CSMD1: variants seen among roughly 807,000 people sequenced by gnomAD.
The protein encoded by CSMD1 is CUB and Sushi multiple domains 1.
CSMD1 carries 213 observed loss-of-function variants against 417.5 expected under a neutral mutation model. The observed-to-expected ratio is 0.51, with a 90% CI of 0.46 to 0.57. The LOEUF is 0.57. CSMD1 is among the 20% of genes least tolerant of loss of function. The probability of loss-of-function intolerance (pLI) is 0.00; values close to 1 mark genes in which losing one functional copy is unlikely to be tolerated. For missense variants in CSMD1, 6,923 were observed against 4,529.7 expected (o/e 1.53, Z -15.17); for synonymous variants, 2,862 against 1,736.8 (o/e 1.65, Z -16.11).
chr8:4,820,881 G>A (rs931911475), intron 1 of CSMD1, among the ~76,000 whole-genome samples: 2 of 152,140 alleles, frequency 1.3e-5, no homozygotes, highest in Non-Finnish European at 2.9e-5. Context: ...TTTATATGGA[G>A]GTGATTTGAG....
At chr8:3,357,332 T>C (rs1808860305) in intron 21 of CSMD1, among the ~76,000 whole-genome samples, 1 of 152,218 alleles carries the variant, frequency 6.6e-6, no homozygotes, top group Non-Finnish European at 1.5e-5. Context: ...GCAAAGTTTG[T>C]AGAGTCTTTT....
intron 50 of CSMD1, among the ~76,000 whole-genome samples, chr8:3,052,024 C>A (rs1286367195): frequency 6.6e-6 from 1 of 152,154 alleles, no homozygotes; most frequent in Non-Finnish European, 1.5e-5. Context: ...GCAGGTGATA[C>A]ACAAATAAAT....
intron 2 of CSMD1, among the ~76,000 whole-genome samples, chr8:4,471,200 AAAAC>A (rs1253816068): frequency 1.3e-5 from 2 of 152,200 alleles, no homozygotes; most frequent in Non-Finnish European, 2.9e-5. Flanking sequence ...TTATTATGGA[AAAAC>A]AATCTTAGAA....
chr8:3,592,906 G>C (rs370639367), intron 8 of CSMD1, among the ~76,000 whole-genome samples: 2 of 152,000 alleles, frequency 1.3e-5, no homozygotes, highest in African/African-American at 4.8e-5. Flanking sequence ...AAGAAATAAA[G>C]TCAAAGCCCA....
intron 18 of CSMD1, chr8:3,373,566 T>G (rs1406881587): frequency 6.6e-6 from 1 of 152,176 alleles, no homozygotes; most frequent in African/African-American, 2.4e-5. Context: ...GATGAGAGAA[T>G]GAAATGAAAT....
chr8:4,439,440 T>C (rs369098986), intron 2 of CSMD1, among the ~76,000 whole-genome samples: 1 of 152,186 alleles, frequency 6.6e-6, no homozygotes, highest in Non-Finnish European at 1.5e-5. Flanking sequence ...ATGATTTTCA[T>C]CTAACTTTTT....
At position 4,179,235 on chromosome 8, in the gene CSMD1, A is replaced by G. The variant is rs532055588; in HGVS notation, c.416-147136T>C. On this transcript the variant is annotated intron_variant, in intron 3 of 69. Transcript: ENST00000635120. ...GTACTGGTACCAAAACAGAGATATA[A>G]ATCAATGGAACAGAACAGAGCCCTC... Among the ~76,000 whole-genome samples, 310 of 151,798 alleles carry G rather than the reference A, an allele frequency of 2.0e-3. 1 individual carries two copies. Among genetic ancestry groups the G allele is most frequent in the African/African-American group, 5.6e-3 (231 of 41,162 alleles).
intron 3 of CSMD1, among the ~76,000 whole-genome samples, chr8:4,235,352 CG>C (rs1374177414): frequency 1.6e-5 from 2 of 127,248 alleles, no homozygotes; most frequent in East Asian, 4.0e-4. Context: ...AATCAAAAGA[CG>C]TGTTTTGTTT....
intron 1 of CSMD1, among the ~76,000 whole-genome samples, chr8:4,974,217 G>C (rs188628559): frequency 5.0e-4 from 76 of 150,800 alleles, no homozygotes; most frequent in South Asian, 1.9e-3. Flanking sequence ...ATAGAGATGA[G>C]ATTTCACCAT....
chr8:3,196,535 A>T (rs1355221988), intron 33 of CSMD1, among the ~76,000 whole-genome samples: 1 of 152,186 alleles, frequency 6.6e-6, no homozygotes, highest in Non-Finnish European at 1.5e-5. Flanking sequence ...AAACCATTAC[A>T]GATACTCTTA....
intron 3 of CSMD1, among the ~76,000 whole-genome samples, chr8:4,092,770 T>C (rs573373701): frequency 5.9e-5 from 9 of 152,298 alleles, no homozygotes; most frequent in African/African-American, 2.2e-4. Flanking sequence ...TTATTCCTTT[T>C]ACTGTATTAT....
intron 2 of CSMD1, among the ~76,000 whole-genome samples, chr8:4,482,818 G>C (rs955571765): frequency 6.6e-6 from 1 of 152,094 alleles, no homozygotes; most frequent in South Asian, 2.1e-4. Context: ...TCTCATTAAA[G>C]AAATGCAAAT....
chr8:4,065,960 G>C (rs2114247), intron 3 of CSMD1, among the ~76,000 whole-genome samples: 126,526 of 152,180 alleles, frequency 0.83, 52,688 homozygotes, highest in Admixed American at 0.88. Context: ...ATTGATGTTC[G>C]TCCAATTTGG....
chr8:3,724,387 T>C (rs1802370541), intron 6 of CSMD1, among the ~76,000 whole-genome samples: 2 of 152,182 alleles, frequency 1.3e-5, no homozygotes, highest in Admixed American at 6.5e-5. Flanking sequence ...AATATATATG[T>C]TAATTTCTAA....
At chr8:3,454,714 A>T (rs1043939159) in intron 12 of CSMD1, among the ~76,000 whole-genome samples, 2 of 152,182 alleles carry the variant, frequency 1.3e-5, no homozygotes, top group African/African-American at 4.8e-5. Flanking sequence ...CCTTGTGGGT[A>T]ACCCGACCTT....
chr8:3,609,747 A>G (rs1002075063), intron 8 of CSMD1, among the ~76,000 whole-genome samples: 4 of 151,636 alleles, frequency 2.6e-5, no homozygotes, highest in Non-Finnish European at 5.9e-5. Flanking sequence ...TTAAAAAAAA[A>G]AAAACCGAAT....
chr8:3,334,082 T>G lies in CSMD1; in HGVS notation c.3631+9212A>C, dbSNP rs192804811. On this transcript the variant is annotated intron_variant, in intron 23 of 69. Transcript: ENST00000635120. The stretch of plus-strand genomic sequence containing the variant: ...CAGGGAGGTGAAGGCATTGAAAGAA[T>G]CTATATGAGACGCACACAGAGTGTC... 3.9e-4 allele frequency among the ~76,000 whole-genome samples: 60 copies of G among 152,296 alleles called. No homozygotes were observed. The East Asian group carries it at 9.1e-3, about 23-fold the overall frequency.
intron 4 of CSMD1, among the ~76,000 whole-genome samples, chr8:4,004,935 A>G (rs947121937): frequency 6.6e-5 from 10 of 152,070 alleles, no homozygotes; most frequent in South Asian, 2.1e-4. Context: ...TAGTAGAGAC[A>G]GGGTTTCACC....
At chr8:4,263,943 A>C (rs936775122) in intron 3 of CSMD1, among the ~76,000 whole-genome samples, 24 of 152,150 alleles carry the variant, frequency 1.6e-4, no homozygotes, top group African/African-American at 5.8e-4. Flanking sequence ...CTATCTATAT[A>C]ATGCAATTTG....
Sources: allele counts gnomAD v4.1 joint callset (sites outside exome capture counted in the v4.1 genomes callset), GRCh38; gene constraint gnomAD v4.1.1; transcripts MANE v1.5; gene names NCBI Gene and HGNC (gene_info 2026-07-23, HGNC 2026-07-21).